The following LPP variants were observed in gnomAD, a reference collection of about 807,000 sequenced individuals.
The protein encoded by LPP is lipoma-preferred partner.
In LPP, 38 loss-of-function variants were observed where a neutral mutation model predicts 60.4. The observed-to-expected ratio is 0.63, with a 90% CI of 0.49 to 0.83. LPP has a LOEUF of 0.83. Among genes scored for constraint, LPP ranks in the 40% least tolerant of loss-of-function variants. The probability of loss-of-function intolerance (pLI) is 0.00; values close to 1 mark genes in which losing one functional copy is unlikely to be tolerated. For missense variants in LPP, 902 were observed against 783.6 expected (o/e 1.15, Z -1.80); for synonymous variants, 328 against 290.8 (o/e 1.13, Z -1.30).
intron 2 of LPP, among the ~76,000 whole-genome samples, chr3:188,273,020 G>A (rs1194603443): frequency 6.6e-6 from 1 of 152,224 alleles, no homozygotes; most frequent in East Asian, 1.9e-4. Flanking sequence ...GCTGTCCAGT[G>A]TCACATGGTG....
chr3:188,565,523 C>A (rs1831922804), intron 6 of LPP, among the ~76,000 whole-genome samples: 1 of 151,936 alleles, frequency 6.6e-6, no homozygotes, highest in Admixed American at 6.6e-5. Context: ...GCAAAACTAA[C>A]ATAGTAATGA....
chr3:188,449,614 G>C (rs965389533), intron 4 of LPP, among the ~76,000 whole-genome samples: 1 of 152,068 alleles, frequency 6.6e-6, no homozygotes, highest in Non-Finnish European at 1.5e-5. Context: ...CATACCTGGT[G>C]AGTCAGTAGC....
intron 2 of LPP, among the ~76,000 whole-genome samples, chr3:188,304,774 A>G (rs542006147): frequency 1.1e-3 from 160 of 152,326 alleles, no homozygotes; most frequent in Non-Finnish European, 1.1e-3. Flanking sequence ...AGAAAAGTCA[A>G]GCTCTTCCAG....
At position 188,610,005 on chromosome 3, in the gene LPP, A is replaced by T. The variant is rs1379154927; in HGVS notation, c.1113+161A>T. On this transcript the variant is annotated intron_variant, in intron 7 of 11. Transcript: ENST00000617246. The surrounding 1 kb of genome is among the most constrained non-coding windows in gnomAD (Gnocchi z 4.4). ...GAGTGAAGCCAGAGAGGAGAGAGAGACTACTTAGTATGTTACTAATATGGC... is the reference window on the plus strand; with the variant it reads ...GAGTGAAGCCAGAGAGGAGAGAGAGTCTACTTAGTATGTTACTAATATGGC... 6.6e-6 allele frequency among the ~76,000 whole-genome samples: 1 copy of T among 152,164 alleles called. No individual in the cohort carries two copies. Among genetic ancestry groups the T allele is most frequent in the Non-Finnish European group, 1.5e-5 (1 of 68,036 alleles).
At chr3:188,842,090 G>C (rs1290442827) in intron 9 of LPP, among the ~76,000 whole-genome samples, 1 of 152,252 alleles carries the variant, frequency 6.6e-6, no homozygotes, top group East Asian at 1.9e-4. Context: ...TGTTGAATAG[G>C]AGTGGTGAGA....
At chr3:188,769,284 A>G (rs554308664) in intron 9 of LPP, among the ~76,000 whole-genome samples, 75 of 152,246 alleles carry the variant, frequency 4.9e-4, no homozygotes, top group African/African-American at 1.4e-3. Context: ...TTATACAACA[A>G]TGTTTTCAGT....
intron 9 of LPP, among the ~76,000 whole-genome samples, chr3:188,836,403 C>T (rs1758451049): frequency 6.6e-6 from 1 of 152,208 alleles, no homozygotes; most frequent in Non-Finnish European, 1.5e-5. Flanking sequence ...ATATGATAAA[C>T]ATTTGGCATT....
intron 3 of LPP, among the ~76,000 whole-genome samples, chr3:188,393,510 C>G (rs1458256184): frequency 6.6e-6 from 1 of 152,150 alleles, no homozygotes. Flanking sequence ...ACCAAAACCT[C>G]ATTAACACAG....
chr3:188,373,204 T>C (rs1419981003), intron 3 of LPP, among the ~76,000 whole-genome samples: 1 of 152,212 alleles, frequency 6.6e-6, no homozygotes, highest in East Asian at 1.9e-4. Context: ...TGATTTATAA[T>C]CCTTTGGGTA....
chr3:188,640,858 A>C (rs1849967152), intron 7 of LPP, among the ~76,000 whole-genome samples: 1 of 152,202 alleles, frequency 6.6e-6, no homozygotes, highest in Non-Finnish European at 1.5e-5. Context: ...TGATTATTGT[A>C]ATCACAACTT....
At position 188,812,400 on chromosome 3, in the gene LPP, G is replaced by T. The variant is rs759056158; in HGVS notation, c.1410+52118G>T. 2.0e-5 allele frequency among the ~76,000 whole-genome samples: 3 copies of T among 152,132 alleles called. No individual in the cohort carries two copies. In the South Asian group the frequency reaches 6.2e-4, roughly 31 times the overall value. The stretch of plus-strand genomic sequence containing the variant: ...AATCTCCAGTTCCACAATGGTAGCA[G>T]TGGTGGATTTTACCCAATGTTTTAA... On this transcript the variant is annotated intron_variant, in intron 9 of 11. Transcript: ENST00000617246.
At chr3:188,195,157 G>A (rs988867277) in intron 1 of LPP, among the ~76,000 whole-genome samples, 1 of 151,988 alleles carries the variant, frequency 6.6e-6, no homozygotes, top group Non-Finnish European at 1.5e-5. Context: ...TACTCAGGAG[G>A]CTTAGGCAGG....
chr3:188,820,295 A>ATG (rs768725378), intron 9 of LPP, among the ~76,000 whole-genome samples: 66 of 150,812 alleles, frequency 4.4e-4, no homozygotes, highest in African/African-American at 9.5e-4. Flanking sequence ...TTGTGTGTGT[A>ATG]TGTGTGTGTG....
intron 4 of LPP, among the ~76,000 whole-genome samples, chr3:188,482,451 T>C (rs557482077): frequency 2.0e-5 from 3 of 152,328 alleles, no homozygotes; most frequent in Non-Finnish European, 2.9e-5. Context: ...ACAGTTCTTT[T>C]TAATTAACAG....
At chr3:188,209,668 A>T (rs1303807500) in intron 1 of LPP, among the ~76,000 whole-genome samples, 1 of 152,134 alleles carries the variant, frequency 6.6e-6, no homozygotes, top group African/African-American at 2.4e-5. Context: ...TTGGAATGGG[A>T]TCTGCATCCC....
At chr3:188,274,888 G>A (rs1739116244) in intron 2 of LPP, among the ~76,000 whole-genome samples, 1 of 152,130 alleles carries the variant, frequency 6.6e-6, no homozygotes, top group South Asian at 2.1e-4. Context: ...ATGGGAAAAG[G>A]GTAGTTTCTG....
chr3:188,425,340 G>A (rs150914435), intron 4 of LPP, among the ~76,000 whole-genome samples: 13 of 152,156 alleles, frequency 8.5e-5, no homozygotes, highest in South Asian at 4.2e-4. Flanking sequence ...TGCAGGATTC[G>A]GTTTTCCAGT....
chr3:188,220,408 G>T (rs1037950107), intron 1 of LPP, among the ~76,000 whole-genome samples: 1 of 152,086 alleles, frequency 6.6e-6, no homozygotes, highest in Non-Finnish European at 1.5e-5. Context: ...GGGCAGGGAG[G>T]GCATTGCATC....
chr3:188,851,165 G>A (rs149492627), intron 9 of LPP, among the ~76,000 whole-genome samples: 1 of 152,322 alleles, frequency 6.6e-6, no homozygotes, highest in East Asian at 1.9e-4. Context: ...TGGGAATGTT[G>A]TAGAGGGAAT....
Sources: gnomAD v4.1 joint callset for allele counts (sites outside exome capture counted in the v4.1 genomes callset) on GRCh38, gnomAD v4.1.1 for gene constraint, Gnocchi (gnomAD v3.1) non-coding constraint, MANE v1.5 for transcripts, NCBI Gene and HGNC (gene_info 2026-07-23, HGNC 2026-07-21) for gene names.